MCPH1: variants seen among roughly 807,000 people sequenced by gnomAD.
MCPH1 encodes microcephalin 1, also known as microcephalin.
In MCPH1, 104 loss-of-function variants were observed where a neutral mutation model predicts 84.5. The ratio of observed to expected loss-of-function variants is 1.23; its 90% confidence interval spans 1.05 to 1.45. The LOEUF (loss-of-function observed/expected upper bound fraction) is 1.45, where lower values mean the gene tolerates loss of function less well. Ranked by LOEUF, MCPH1 falls within the 40% of genes most tolerant of loss-of-function variation. The pLI is 0.00. For synonymous variants in MCPH1, 514 were observed against 366.8 expected (o/e 1.40, Z -4.58); for missense variants, 1,498 against 1,005.7 (o/e 1.49, Z -6.62).
rs1161393518 is a variant in MCPH1, at chr8:6,621,771, C to T, written c.2452+80C>T. Reference sequence around the variant, plus strand: ...TCCAGGGAGGGCGGCGTCAGGCTCACACCCCCTTCCACGCAGCTGGGGCAC... The same window carrying T: ...TCCAGGGAGGGCGGCGTCAGGCTCATACCCCCTTCCACGCAGCTGGGGCAC... On this transcript the variant is annotated intron_variant, in intron 13 of 13. Transcript: ENST00000344683. 1.9e-6 allele frequency: 3 copies of T among 1,581,902 alleles called. No individual in the cohort carries two copies. In the African/African-American group the frequency reaches 4.0e-5, roughly 21 times the overall value.
At chr8:6,528,857 C>T (rs1331381722) in intron 12 of MCPH1, among the ~76,000 whole-genome samples, 7 of 152,204 alleles carry the variant, frequency 4.6e-5, no homozygotes, top group South Asian at 2.1e-4. Flanking sequence ...ATGGTCTTAT[C>T]CTTAGAGCTG....
intron 11 of MCPH1, among the ~76,000 whole-genome samples, chr8:6,487,816 A>G (rs1358093037): frequency 6.6e-6 from 1 of 152,204 alleles, no homozygotes; most frequent in African/African-American, 2.4e-5. Flanking sequence ...GTGTTTTCAC[A>G]TGCACTGTCT....
Position 6,646,899 on chromosome 8 carries a change from G to A in MCPH1, c.*3850G>A, listed in dbSNP as rs1397011309. Reference sequence around the variant, plus strand: ...GGAAATCATTCTGACCTCAGGTTAGGCAAAGCTTTCTTAGATATGACACTA... The same window carrying A: ...GGAAATCATTCTGACCTCAGGTTAGACAAAGCTTTCTTAGATATGACACTA... On this transcript the variant is annotated 3_prime_UTR_variant, in exon 14 of 14. Coordinates refer to ENST00000344683, the MANE Select transcript of MCPH1 (RefSeq NM_024596.5). The A allele has an allele frequency of 6.6e-6, 1 of 151,974 alleles. No homozygotes were observed. Among genetic ancestry groups the A allele is most frequent in the South Asian group, 2.1e-4 (1 of 4,820 alleles). The allele number at this position is 151,974 out of a possible 1,614,324, so 9.4% of individuals were successfully genotyped here. A position where few individuals can be genotyped will look rare whatever the true frequency, so the allele number is the denominator to read the frequency against.
chr8:6,589,687 C>G (rs1828285346), intron 12 of MCPH1, among the ~76,000 whole-genome samples: 1 of 152,170 alleles, frequency 6.6e-6, no homozygotes, highest in Admixed American at 6.5e-5. Flanking sequence ...GCTGGTCAGC[C>G]AAAAGTTTTC....
In MCPH1 at chr8:6,577,056, G is replaced by A. The variant is rs555118030; in HGVS notation, c.2215-44398G>A. 1.8e-4 allele frequency among the ~76,000 whole-genome samples: 27 copies of A among 152,222 alleles called. No homozygotes were observed. The South Asian group carries it at 5.2e-3, about 29-fold the overall frequency. On this transcript the variant is annotated intron_variant, in intron 12 of 13. Transcript: ENST00000344683. ...CTGAAATTCCTGCCACTGGAATTAC[G>A]CTCTGGACAAGCGGCAAGATACTCC...
chr8:6,514,606 G>C lies in MCPH1; in HGVS notation c.2214+14677G>C. 5 of 1,360,338 alleles carry C rather than the reference G, an allele frequency of 3.7e-6. No individual in the cohort carries two copies. The East Asian group carries it at 1.2e-4, about 31-fold the overall frequency. 84.3% of individuals were successfully genotyped at this position (1,360,338 alleles called of 1,614,324 possible). On this transcript the variant is annotated intron_variant, in intron 12 of 13. Transcript: ENST00000344683. ...TGGTTAGTTTGGGATTGGTGGTTAA[G>C]GTTCCGCAGATCTTGAAAGCTATTT...
rs755771006 is a variant in MCPH1, at chr8:6,444,727, C to T, written c.1005C>T (p.Thr335=). Residue 335 remains threonine, a synonymous_variant, in exon 8 of 14, where the codon ACC becomes ACT. Transcript: ENST00000344683. ...AAGAGAAGTATCGTTTGTCTCCTAC[C>T]TTATCTTCAACAAAAGGCCACCTTT... ...TFEEKYRLSP[T]LSSTKGHLLI... is the part of the protein sequence containing the mutation. 5.6e-6 allele frequency: 9 copies of T among 1,613,942 alleles called. No individual in the cohort carries two copies. The highest frequency in any genetic ancestry group is 7.6e-6 in the Non-Finnish European group (9 of 1,180,012).
chr8:6,511,587 C>A (rs1033800257), intron 12 of MCPH1, among the ~76,000 whole-genome samples: 1 of 152,162 alleles, frequency 6.6e-6, no homozygotes, highest in Non-Finnish European at 1.5e-5. Context: ...ATACAACTGG[C>A]GTCTCAAAGC....
chr8:6,550,652 G>C (rs920984410), intron 12 of MCPH1, among the ~76,000 whole-genome samples: 1 of 152,212 alleles, frequency 6.6e-6, no homozygotes, highest in African/African-American at 2.4e-5. Context: ...CCACACACGA[G>C]GGGGTGTGGA....
chr8:6,608,157 C>T (rs185190435), intron 12 of MCPH1, among the ~76,000 whole-genome samples: 53 of 152,106 alleles, frequency 3.5e-4, no homozygotes, highest in Non-Finnish European at 1.2e-4. Context: ...GACTCACGTG[C>T]GAGGGTGGGA....
chr8:6,477,046 AT>A (rs1346095475), intron 9 of MCPH1, among the ~76,000 whole-genome samples: 2 of 109,668 alleles, frequency 1.8e-5, no homozygotes, highest in Non-Finnish European at 3.6e-5. Flanking sequence ...CAAAAAAAAA[AT>A]TAAACATTTT....
Position 6,480,798 on chromosome 8 carries a change from G to A in MCPH1, c.2058G>A (p.Val686=), listed in dbSNP as rs1809120712. 3 of 1,614,194 alleles carry A rather than the reference G, an allele frequency of 1.9e-6. No homozygotes were observed. Among genetic ancestry groups the A allele is most frequent in the South Asian group, 2.2e-5 (2 of 91,080 alleles). Residue 686 remains valine, a synonymous_variant, in exon 11 of 14, where the codon GTG becomes GTA. Transcript: ENST00000344683. ...APDVCETTTH[V]LSGKPLRTLN... is the part of the protein sequence containing the mutation. ...ACGTCTGTGAGACCACGACTCACGT[G>A]CTTTCCGGGAAGCCACTTCGCACCC...
chr8:6,424,979 G>C (rs1282035411), intron 3 of MCPH1, among the ~76,000 whole-genome samples: 2 of 152,208 alleles, frequency 1.3e-5, no homozygotes, highest in East Asian at 1.9e-4. Context: ...TTGACTTACT[G>C]ACTGGGCCTA....
intron 12 of MCPH1, among the ~76,000 whole-genome samples, chr8:6,509,359 A>T (rs1317243599): frequency 1.3e-5 from 2 of 152,230 alleles, no homozygotes; most frequent in African/African-American, 4.8e-5. Context: ...AGATAAACAG[A>T]AGAGAAAGAA....
At chr8:6,532,390 G>C (rs1294903838) in intron 12 of MCPH1, 3 of 1,614,036 alleles carry the variant, frequency 1.9e-6, no homozygotes, top group East Asian at 4.5e-5. Flanking sequence ...CAACAGGTTT[G>C]TCCCTATTTC....
chr8:6,490,905 C>G (rs889746867), intron 11 of MCPH1, among the ~76,000 whole-genome samples: 2 of 150,282 alleles, frequency 1.3e-5, no homozygotes, highest in Admixed American at 1.3e-4. Flanking sequence ...GAAGTTGTGC[C>G]TAAGTTAATA....
intron 12 of MCPH1, chr8:6,562,857 C>T (rs1825768004): frequency 6.2e-7 from 1 of 1,613,154 alleles, no homozygotes; most frequent in Non-Finnish European, 8.5e-7. Context: ...CTATGCTGTC[C>T]ATGCTCTTCC....
intron 13 of MCPH1, chr8:6,625,311 T>C (rs1277124485): frequency 1.2e-5 from 12 of 985,328 alleles, no homozygotes; most frequent in Non-Finnish European, 1.3e-5. Context: ...CGTAGGCTTC[T>C]TAAGTGTGGC....
At chr8:6,560,967 A>C (rs969172890) in intron 12 of MCPH1, among the ~76,000 whole-genome samples, 1 of 152,222 alleles carries the variant, frequency 6.6e-6, no homozygotes, top group African/African-American at 2.4e-5. Flanking sequence ...TAGAATATTT[A>C]CTGCAGTGCA....
Sources: gnomAD v4.1 joint callset for allele counts (sites outside exome capture counted in the v4.1 genomes callset) on GRCh38, gnomAD v4.1.1 for gene constraint, MANE v1.5 for transcripts, NCBI Gene and HGNC (gene_info 2026-07-23, HGNC 2026-07-21) for gene names.